Variants in SEPTIN6 observed in about 807,000 individuals in gnomAD.
The protein encoded by SEPTIN6 is septin-6.
In SEPTIN6, 8 loss-of-function variants were observed where a neutral mutation model predicts 33.6. The observed-to-expected ratio is 0.24, with a 90% CI of 0.14 to 0.43. SEPTIN6 has a LOEUF of 0.43. Among genes scored for constraint, SEPTIN6 ranks in the 20% least tolerant of loss-of-function variants. The pLI, the probability that SEPTIN6 is intolerant of heterozygous loss-of-function variation, is 1.00. For missense variants in SEPTIN6, 250 were observed against 340.8 expected (o/e 0.73, Z 2.10); for synonymous variants, 131 against 140.0 (o/e 0.94, Z 0.45).
At chrX:119,616,577 A>G (rs1425212049), downstream of SEPTIN6, 2 of 639,095 alleles carry the variant, frequency 3.1e-6, no homozygotes, top group Non-Finnish European at 2.6e-6. Flanking sequence ...ACAGGGACAC[A>G]TGAACACTTG....
intron 9 of SEPTIN6, among the ~76,000 whole-genome samples, chrX:119,627,337 T>C (rs1012561744): frequency 9.0e-6 from 1 of 110,629 alleles, no homozygotes; most frequent in African/African-American, 3.3e-5. Flanking sequence ...TGAAATATTT[T>C]TCTCCAGTTC....
chrX:119,621,446 G>GGTGTGTGTGTGTGTGTGTGTGTGT lies in SEPTIN6; in HGVS notation c.*42-1419_*42-1396dup, dbSNP rs34517524. On this transcript the variant is annotated intron_variant, in intron 10 of 10. Coordinates refer to ENST00000394610, the MANE Select transcript of SEPTIN6 (RefSeq NM_145799.4). ...AAGAGTCACAGCTGGGCCCAGAGCT[G>GGTGTGTGTGTGTGTGTGTGTGTGT]GTGTGTGTGTGTGTGTGTGTGTGTG... 4.0e-3 allele frequency among the ~76,000 whole-genome samples: 256 copies of GGTGTGTGTGTGTGTGTGTGTGTGT among 63,472 alleles called. 10 individuals are homozygous for GGTGTGTGTGTGTGTGTGTGTGTGT. Among genetic ancestry groups the GGTGTGTGTGTGTGTGTGTGTGTGT allele is most frequent in the African/African-American group, 7.6e-3 (124 of 16,422 alleles). 55.1% of individuals were successfully genotyped at this position (63,472 alleles called of 115,157 possible). A position where few individuals can be genotyped will look rare whatever the true frequency, so the allele number is the denominator to read the frequency against.
intron 8 of SEPTIN6, among the ~76,000 whole-genome samples, chrX:119,629,783 C>A (rs766703885): frequency 2.7e-5 from 3 of 112,071 alleles, no homozygotes; most frequent in Non-Finnish European, 5.6e-5. Flanking sequence ...AAAGAGTCCC[C>A]ATAGTTACCA....
intron 3 of SEPTIN6, among the ~76,000 whole-genome samples, chrX:119,662,015 G>T (rs1386282647): frequency 2.7e-5 from 3 of 111,990 alleles, no homozygotes; most frequent in Non-Finnish European, 5.6e-5. Flanking sequence ...TGGGATTACA[G>T]GCGTGAGCCA....
intron 7 of SEPTIN6, among the ~76,000 whole-genome samples, chrX:119,635,924 C>T (rs922951462): frequency 3.6e-5 from 4 of 111,085 alleles, no homozygotes; most frequent in Admixed American, 2.9e-4. Context: ...GTGAAGAAGG[C>T]GAAGACACAG....
chrX:119,643,487 A>G (rs140746586), intron 5 of SEPTIN6, among the ~76,000 whole-genome samples: 30 of 111,048 alleles, frequency 2.7e-4, no homozygotes, highest in Non-Finnish European at 5.5e-4. Flanking sequence ...AGACACCGTC[A>G]GAATGATAGG....
At chrX:119,643,408 C>T (rs375365416) in intron 5 of SEPTIN6, among the ~76,000 whole-genome samples, 1 of 108,934 alleles carries the variant, frequency 9.2e-6, no homozygotes, top group Non-Finnish European at 1.9e-5. Flanking sequence ...AAAAAAAAAA[C>T]CAAGAAGAAA....
At chrX:119,680,195 TTTTATTTATTTATTTA>T (rs201992348) in intron 1 of SEPTIN6, among the ~76,000 whole-genome samples, 189 of 96,906 alleles carry the variant, frequency 2.0e-3, no homozygotes, top group African/African-American at 5.7e-3. Flanking sequence ...ACACTCTTAA[TTTTATTTATTTATTTA>T]TTTATTTATT....
chrX:119,654,835 C>G (rs1006108576), intron 3 of SEPTIN6, among the ~76,000 whole-genome samples: 1 of 111,592 alleles, frequency 9.0e-6, no homozygotes, highest in Non-Finnish European at 1.9e-5. Flanking sequence ...TTCCTTTGAT[C>G]CCTCCGAGCC....
chrX:119,678,016 T>A (rs2054872084), intron 1 of SEPTIN6, among the ~76,000 whole-genome samples: 1 of 108,049 alleles, frequency 9.3e-6, no homozygotes, highest in Non-Finnish European at 1.9e-5. Context: ...GCGGATCTCT[T>A]GAGCCCAGGA....
chrX:119,664,821 A>C (rs1360072690), intron 2 of SEPTIN6, among the ~76,000 whole-genome samples: 1 of 95,882 alleles, frequency 1.0e-5, no homozygotes, highest in Admixed American at 1.1e-4. Context: ...ACCCTGGGCA[A>C]GAGAGTGAGA....
Position 119,618,132 on chromosome X carries a change from T to C in SEPTIN6, c.*1961A>G. The C allele has an allele frequency of 2.5e-6, 2 of 794,264 alleles. No individual in the cohort carries two copies. The highest frequency in any genetic ancestry group is 6.7e-5 in the South Asian group (1 of 14,869). 65.5% of individuals were successfully genotyped at this position (794,264 alleles called of 1,213,427 possible). ...GAGACCTGACAGGCCTAACTCAGCATCTCTCTGAGCTACTGGCTGAGTATC... is the reference window on the plus strand; with the variant it reads ...GAGACCTGACAGGCCTAACTCAGCACCTCTCTGAGCTACTGGCTGAGTATC... On this transcript the variant is annotated 3_prime_UTR_variant, in exon 11 of 11. Coordinates refer to ENST00000394610, the MANE Select transcript of SEPTIN6 (RefSeq NM_145799.4).
intron 2 of SEPTIN6, among the ~76,000 whole-genome samples, chrX:119,673,227 C>T (rs1603348800): frequency 9.0e-6 from 1 of 110,895 alleles, no homozygotes; most frequent in Non-Finnish European, 1.9e-5. Flanking sequence ...AAAATGAGCC[C>T]GGTCGCATGC....
At chrX:119,635,087 G>T in intron 7 of SEPTIN6, 1 of 351,414 alleles carries the variant, frequency 2.8e-6, no homozygotes, top group East Asian at 7.9e-5. Context: ...AGGGAATGGA[G>T]GGAGCAGTAA....
At chrX:119,648,540 C>T (rs998942663) in intron 5 of SEPTIN6, among the ~76,000 whole-genome samples, 3 of 111,564 alleles carry the variant, frequency 2.7e-5, no homozygotes, top group Admixed American at 9.6e-5. Flanking sequence ...TCCATGCCCA[C>T]GGCCGGTCAG....
chrX:119,643,218 C>T (rs1044978330), intron 5 of SEPTIN6, among the ~76,000 whole-genome samples: 5 of 110,122 alleles, frequency 4.5e-5, no homozygotes, highest in Non-Finnish European at 9.5e-5. Context: ...CCTGGAGAGA[C>T]CCCACAGCTT....
intron 5 of SEPTIN6, among the ~76,000 whole-genome samples, chrX:119,645,064 C>G: frequency 9.9e-6 from 1 of 101,215 alleles, no homozygotes; most frequent in East Asian, 3.4e-4. Context: ...CCTGCCACCA[C>G]GCCCAGCTAA....
chrX:119,666,353 G>A (rs928319326), intron 2 of SEPTIN6, among the ~76,000 whole-genome samples: 1 of 111,889 alleles, frequency 8.9e-6, no homozygotes, highest in South Asian at 3.7e-4. Context: ...TCAGGGCTAC[G>A]GTTAGAGCTA....
At chrX:119,623,290 A>T (rs921624186) in intron 10 of SEPTIN6, among the ~76,000 whole-genome samples, 2 of 112,073 alleles carry the variant, frequency 1.8e-5, no homozygotes, top group African/African-American at 6.5e-5. Flanking sequence ...TTAATGAATT[A>T]TTGTTCATTT....
Sources: allele counts gnomAD v4.1 joint callset (sites outside exome capture counted in the v4.1 genomes callset), GRCh38; gene constraint gnomAD v4.1.1; transcripts MANE v1.5; gene names NCBI Gene and HGNC (gene_info 2026-07-23, HGNC 2026-07-21).